Variants in IFT88 observed in about 807,000 individuals in gnomAD.
IFT88 encodes the protein intraflagellar transport 88, also known as intraflagellar transport protein 88 homolog.
Under a neutral mutation model 119.5 loss-of-function variants are expected in IFT88, and 74 were observed. That is an observed-to-expected ratio of 0.62 (90% CI 0.51 to 0.75). The LOEUF (loss-of-function observed/expected upper bound fraction) is 0.75. Among genes scored for constraint, IFT88 ranks in the 30% least tolerant of loss-of-function variants. IFT88 has a pLI of 0.00. For synonymous variants in IFT88, 279 were observed against 316.7 expected, an observed-to-expected ratio of 0.88 and a Z score of 1.26; for missense variants, 961 against 977.7, an observed-to-expected ratio of 0.98 and a Z score of 0.23.
chr13:20,656,554 T>C, intron 22 of IFT88, 124 bp downstream of exon 22: 1 of 391,452 alleles, frequency 2.6e-6, no homozygotes, highest in Admixed American at 4.6e-5. Flanking sequence ...GTGATACATA[T>C]TTTAAATATT....
At chr13:20,608,227 A>G (rs2043852581) in intron 13 of IFT88, 4 of 273,522 alleles carry the variant, frequency 1.5e-5, no homozygotes, top group Admixed American at 7.8e-5. Flanking sequence ...GAAACTTCTG[A>G]CATCCAGTGA....
intron 2 of IFT88, among the ~76,000 whole-genome samples, chr13:20,574,678 C>G (rs1162372111): frequency 6.6e-6 from 1 of 152,070 alleles, no homozygotes; most frequent in African/African-American, 2.4e-5. Flanking sequence ...AGACAGGTTA[C>G]AAAAATGAAT....
Position 20,599,478 on chromosome 13 carries a change from T to C in IFT88, c.725T>C (p.Ile242Thr), listed in dbSNP as rs1042639661. The C allele has an allele frequency of 1.2e-5, 17 of 1,453,008 alleles. No individual in the cohort carries two copies. Among genetic ancestry groups the C allele is most frequent in the Non-Finnish European group, 1.4e-5 (15 of 1,049,264 alleles). 90.0% of individuals were successfully genotyped at this position (1,453,008 alleles called of 1,614,324 possible). A position where few individuals can be genotyped will look rare whatever the true frequency, so the allele number is the denominator to read the frequency against. ...ATATTGAAAATGAATATGGGAAATA[T>C]CTATTTAAAGCAAAGAAATTATTCC... ...AGILKMNMGN[I>T]YLKQRNYSKA... Residue 242 changes from isoleucine to threonine, a missense_variant, in exon 11 of 26, where the codon ATC (isoleucine) becomes ACC (threonine). Ile to Thr is a moderately conservative substitution (Grantham distance 89). Transcript: ENST00000351808.
At chr13:20,591,320 A>G (rs1350850015) in intron 5 of IFT88, among the ~76,000 whole-genome samples, 1 of 152,160 alleles carries the variant, frequency 6.6e-6, no homozygotes, top group East Asian at 1.9e-4. Flanking sequence ...ATTTACAACA[A>G]TTTCTGTGGT....
At chr13:20,674,911 C>T (rs7988453) in intron 24 of IFT88, among the ~76,000 whole-genome samples, 6 of 151,410 alleles carry the variant, frequency 4.0e-5, no homozygotes, top group African/African-American at 1.5e-4. Context: ...GATGGGGTTT[C>T]ACCATGTTAG....
At position 20,653,904 on chromosome 13, in the gene IFT88, GTAGC is replaced by G; in HGVS notation, c.1982_1985del (p.Ala661ValfsTer13). 1 of 1,584,704 alleles carries G rather than the reference GTAGC, an allele frequency of 6.3e-7. No homozygotes were observed. Among genetic ancestry groups the G allele is most frequent in the Non-Finnish European group, 8.6e-7 (1 of 1,164,912 alleles). On this transcript the variant is annotated frameshift_variant, in exon 21 of 26. Transcript: ENST00000351808. LOFTEE classifies it high-confidence loss of function. ...TACACAAGTGAAATGGCAGCTGATG[GTAGC>G]TAGTTGTTTCAGAAGAAGTGGTAAA...
chr13:20,651,856 G>C (rs2051783435), intron 20 of IFT88, among the ~76,000 whole-genome samples: 2 of 152,060 alleles, frequency 1.3e-5, no homozygotes, highest in South Asian at 4.1e-4. Context: ...CACAGATAAG[G>C]GGGGACCACA....
chr13:20,674,371 G>A (rs1322794191), intron 24 of IFT88, among the ~76,000 whole-genome samples: 1 of 152,170 alleles, frequency 6.6e-6, no homozygotes, highest in Non-Finnish European at 1.5e-5. Context: ...ATGTGTAGCT[G>A]TCCTCAAGAC....
chr13:20,636,512 A>C (rs553021214), intron 16 of IFT88, among the ~76,000 whole-genome samples: 1 of 152,262 alleles, frequency 6.6e-6, no homozygotes, highest in African/African-American at 2.4e-5. Context: ...TCAGCATCCT[A>C]CCTAGAAATC....
chr13:20,568,122 G>A (rs1220675117), intron 1 of IFT88: 2 of 644,380 alleles, frequency 3.1e-6, no homozygotes, highest in East Asian at 2.7e-5. Flanking sequence ...GGTTGGAAAA[G>A]CTTGAAGTAG....
chr13:20,666,848 C>T (rs574155135), intron 23 of IFT88, among the ~76,000 whole-genome samples: 5 of 152,224 alleles, frequency 3.3e-5, no homozygotes, highest in Non-Finnish European at 5.9e-5. Context: ...ACCTATCCCA[C>T]CACTTAGACA....
chr13:20,630,670 A>G (rs546134633), intron 15 of IFT88, among the ~76,000 whole-genome samples: 1 of 152,284 alleles, frequency 6.6e-6, no homozygotes, highest in African/African-American at 2.4e-5. Flanking sequence ...AAGTGCTGAG[A>G]TTATAGGCAT....
chr13:20,685,343 G>T (rs1201837239), intron 24 of IFT88, among the ~76,000 whole-genome samples: 3 of 152,184 alleles, frequency 2.0e-5, no homozygotes, highest in Non-Finnish European at 4.4e-5. Flanking sequence ...CCACATTGCT[G>T]CAGAAATCCT....
intron 15 of IFT88, among the ~76,000 whole-genome samples, chr13:20,630,247 T>A (rs1313842282): frequency 6.6e-6 from 1 of 152,226 alleles, no homozygotes; most frequent in Admixed American, 6.5e-5. Context: ...TTTAGCCATC[T>A]ATTTTGCCAT....
intron 21 of IFT88, 90 bp downstream of exon 21, chr13:20,654,018 T>C: frequency 1.6e-6 from 1 of 622,092 alleles, no homozygotes; most frequent in Non-Finnish European, 2.8e-6. Flanking sequence ...GTTGCATATC[T>C]GTTTATTAAA....
At chr13:20,684,237 C>T (rs2057635081) in intron 24 of IFT88, among the ~76,000 whole-genome samples, 1 of 152,280 alleles carries the variant, frequency 6.6e-6, no homozygotes, top group African/African-American at 2.4e-5. Flanking sequence ...TGAGAGCGGT[C>T]GCTCGAGGCA....
chr13:20,687,743 G>A (rs1229808697), intron 24 of IFT88, among the ~76,000 whole-genome samples: 1 of 151,852 alleles, frequency 6.6e-6, no homozygotes, highest in Non-Finnish European at 1.5e-5. Flanking sequence ...AAAAAGAAAA[G>A]AAGAAGGGGG....
intron 16 of IFT88, among the ~76,000 whole-genome samples, chr13:20,635,072 A>T (rs1179670343): frequency 2.0e-5 from 3 of 151,072 alleles, no homozygotes; most frequent in Non-Finnish European, 4.4e-5. Flanking sequence ...TCCTGGCAAT[A>T]GTTTGCTGAG....
At position 20,620,548 on chromosome 13, in the gene IFT88, A is replaced by G. The variant is rs144480370; in HGVS notation, c.1199+4669A>G. Among the ~76,000 whole-genome samples the G allele has an allele frequency of 5.7e-4, 87 of 152,322 alleles. No homozygotes were observed. The East Asian group carries it at 8.5e-3, about 15-fold the overall frequency. On this transcript the variant is annotated intron_variant, in intron 14 of 25. Transcript: ENST00000351808. ...TCGTCCTTTTCAAGGTGATTAGGAC[A>G]TAAAGGTAGGACACTTTATTTTTAT...
Sources: gnomAD v4.1 joint callset for allele counts (sites outside exome capture counted in the v4.1 genomes callset) on GRCh38, gnomAD v4.1.1 for gene constraint, MANE v1.5 for transcripts, NCBI Gene and HGNC (gene_info 2026-07-23, HGNC 2026-07-21) for gene names.